NEGR1: variants seen among roughly 807,000 people sequenced by gnomAD.
NEGR1 encodes neuronal growth regulator 1, also known as IgLON family member 4.
Under a neutral mutation model 40.9 loss-of-function variants are expected in NEGR1, and 10 were observed. The observed-to-expected ratio is 0.24, with a 90% confidence interval of 0.15 to 0.42. The LOEUF is 0.42. Ranked by LOEUF, NEGR1 falls within the 10% of genes least tolerant of loss-of-function variation. The pLI, the probability that NEGR1 is intolerant of heterozygous loss-of-function variation, is 1.00. For missense variants in NEGR1, 352 were observed against 438.9 expected (o/e 0.80, Z 1.77); for synonymous variants, 185 against 166.8 (o/e 1.11, Z -0.84).
chr1:71,867,161 G>A (rs1660138239), intron 2 of NEGR1, among the ~76,000 whole-genome samples: 1 of 152,126 alleles, frequency 6.6e-6, no homozygotes. Flanking sequence ...GAGACTTGAG[G>A]TCAGGAGTTT....
At chr1:71,773,816 T>G (rs4649945) in intron 3 of NEGR1, among the ~76,000 whole-genome samples, 113,380 of 152,002 alleles carry the variant, frequency 0.75, 44,218 homozygotes, top group East Asian at 0.86. Flanking sequence ...TCTTTCAGTT[T>G]CATGATGTTA....
intron 6 of NEGR1, among the ~76,000 whole-genome samples, chr1:71,482,478 A>C (rs1055468994): frequency 2.0e-5 from 3 of 151,888 alleles, no homozygotes; most frequent in African/African-American, 7.2e-5. Context: ...TACACTTGTC[A>C]AGAAAGCAAT....
chr1:71,888,264 G>C (rs577703536), intron 2 of NEGR1, among the ~76,000 whole-genome samples: 38 of 152,114 alleles, frequency 2.5e-4, no homozygotes, highest in Admixed American at 1.8e-3. Flanking sequence ...CAGCGTGAGC[G>C]ACGCAGAAGA....
At chr1:72,141,210 G>C (rs1650664494) in intron 1 of NEGR1, among the ~76,000 whole-genome samples, 1 of 151,858 alleles carries the variant, frequency 6.6e-6, no homozygotes, top group Non-Finnish European at 1.5e-5. Context: ...TATAATATAG[G>C]CCATAAACAC....
At position 71,776,620 on chromosome 1, in the gene NEGR1, C is replaced by G. The variant is rs144407089; in HGVS notation, c.410-323G>C. Among the ~76,000 whole-genome samples, 495 of 152,094 alleles carry G rather than the reference C, an allele frequency of 3.3e-3. 1 individual carries two copies. The highest frequency in any genetic ancestry group is 0.012 in the African/African-American group (479 of 41,496). ...CTAGAATATAATCAATCTATTTTATCCATGGATCCTCACTGTATGATGTTT... is the reference window on the plus strand; with the variant it reads ...CTAGAATATAATCAATCTATTTTATGCATGGATCCTCACTGTATGATGTTT... On this transcript the variant is annotated intron_variant, in intron 2 of 6. Coordinates refer to ENST00000357731, the MANE Select transcript of NEGR1 (RefSeq NM_173808.3).
intron 1 of NEGR1, among the ~76,000 whole-genome samples, chr1:72,142,783 G>C (rs920578747): frequency 6.6e-6 from 1 of 151,590 alleles, no homozygotes; most frequent in African/African-American, 2.4e-5. Flanking sequence ...CAGGTCCAGT[G>C]ATCCTACATG....
At chr1:71,416,687 T>C (rs1424996438) in intron 6 of NEGR1, among the ~76,000 whole-genome samples, 3 of 152,210 alleles carry the variant, frequency 2.0e-5, no homozygotes, top group Non-Finnish European at 2.9e-5. Context: ...TTCTGTAAAC[T>C]TTCTGCAAGC....
chr1:71,788,317 G>A (rs1656985974), intron 2 of NEGR1, among the ~76,000 whole-genome samples: 1 of 151,944 alleles, frequency 6.6e-6, no homozygotes, highest in African/African-American at 2.4e-5. Flanking sequence ...AGTCACAGTG[G>A]TCTAAGTGCA....
intron 2 of NEGR1, among the ~76,000 whole-genome samples, chr1:71,848,330 T>G (rs1282504354): frequency 6.6e-6 from 1 of 152,188 alleles, no homozygotes; most frequent in African/African-American, 2.4e-5. Context: ...TGAAACAGCC[T>G]TATATTGGAA....
intron 1 of NEGR1, among the ~76,000 whole-genome samples, chr1:72,052,703 T>C (rs1289596465): frequency 2.6e-5 from 4 of 151,572 alleles, no homozygotes; most frequent in Non-Finnish European, 5.9e-5. Context: ...TTGCTCTTTT[T>C]ACTTGTTTTT....
At chr1:71,950,937 T>A (rs936284842) in intron 1 of NEGR1, among the ~76,000 whole-genome samples, 3 of 151,946 alleles carry the variant, frequency 2.0e-5, no homozygotes, top group Non-Finnish European at 4.4e-5. Context: ...TGAAAGAAAC[T>A]ATCACATTTT....
chr1:71,419,923 AAAAAG>A (rs1191840288), intron 6 of NEGR1, among the ~76,000 whole-genome samples: 1 of 152,040 alleles, frequency 6.6e-6, no homozygotes, highest in Non-Finnish European at 1.5e-5. Flanking sequence ...AGAAAAAAAA[AAAAAG>A]AAAACATGCA....
At chr1:72,282,232 C>A (rs1238267619) in intron 1 of NEGR1, 87 bp downstream of exon 1, 2 of 1,438,794 alleles carry the variant, frequency 1.4e-6, no homozygotes, top group African/African-American at 2.8e-5. Context: ...AGCATTATTG[C>A]TTGTGTTATA....
chr1:71,928,620 A>C (rs549747335), intron 2 of NEGR1, among the ~76,000 whole-genome samples: 1 of 150,614 alleles, frequency 6.6e-6, no homozygotes, highest in East Asian at 2.0e-4. Flanking sequence ...TATATATATA[A>C]AATGATCGTC....
chr1:72,077,430 A>G (rs1227863373), intron 1 of NEGR1, among the ~76,000 whole-genome samples: 1 of 152,152 alleles, frequency 6.6e-6, no homozygotes, highest in Non-Finnish European at 1.5e-5. Flanking sequence ...AAAAGAAGTT[A>G]TAAGGAAAAT....
intron 1 of NEGR1, among the ~76,000 whole-genome samples, chr1:71,942,977 A>ATATATATATATAT (rs1557446726): frequency 2.5e-5 from 3 of 119,510 alleles, no homozygotes; most frequent in Non-Finnish European, 3.8e-5. Flanking sequence ...TATATATATA[A>ATATATATATATAT]GTATATATGT....
chr1:72,268,813 T>C (rs550997426), intron 1 of NEGR1, among the ~76,000 whole-genome samples: 27 of 151,688 alleles, frequency 1.8e-4, no homozygotes, highest in African/African-American at 6.5e-4. Flanking sequence ...GATAACAGAC[T>C]AATATAAAAT....
chr1:71,956,481 ATT>A (rs1203146339), intron 1 of NEGR1, among the ~76,000 whole-genome samples: 2 of 152,096 alleles, frequency 1.3e-5, no homozygotes, highest in Non-Finnish European at 2.9e-5. Flanking sequence ...GTTGCAGGTA[ATT>A]TTGGGGAGAG....
intron 3 of NEGR1, among the ~76,000 whole-genome samples, chr1:71,767,159 G>A (rs4649943): frequency 0.66 from 100,417 of 152,044 alleles, 38,138 homozygotes; most frequent in Middle Eastern, 0.84. Flanking sequence ...TTTGGAACTG[G>A]GTAAGGGGAA....
Sources: gnomAD v4.1 joint callset for allele counts (sites outside exome capture counted in the v4.1 genomes callset) on GRCh38, gnomAD v4.1.1 for gene constraint, MANE v1.5 for transcripts, NCBI Gene and HGNC (gene_info 2026-07-23, HGNC 2026-07-21) for gene names.